CNTNAP2: variants seen among roughly 807,000 people sequenced by gnomAD.
CNTNAP2 encodes the protein contactin-associated protein-like 2.
CNTNAP2 carries 98 observed loss-of-function variants against 155.2 expected under a neutral mutation model. The ratio of observed to expected loss-of-function variants is 0.63; its 90% CI spans 0.54 to 0.75. The LOEUF (loss-of-function observed/expected upper bound fraction) is 0.75. Ranked by LOEUF, CNTNAP2 falls within the 30% of genes least tolerant of loss-of-function variation. The probability of loss-of-function intolerance (pLI) is 0.00; values close to 1 mark genes in which losing one functional copy is unlikely to be tolerated. For synonymous variants in CNTNAP2, 651 were observed against 631.2 expected (o/e 1.03, Z -0.47); for missense variants, 1,727 against 1,688.1 (o/e 1.02, Z -0.40).
intron 3 of CNTNAP2, among the ~76,000 whole-genome samples, chr7:146,875,504 A>C (rs1316267729): frequency 6.6e-6 from 1 of 152,116 alleles, no homozygotes; most frequent in African/African-American, 2.4e-5. Context: ...CAGTTTTAAA[A>C]CACGAAACTG....
chr7:146,600,271 T>C (rs919914874), intron 1 of CNTNAP2, among the ~76,000 whole-genome samples: 2 of 152,182 alleles, frequency 1.3e-5, no homozygotes, highest in Non-Finnish European at 2.9e-5. Context: ...ACAACTCACG[T>C]ACTGCAAATA....
At chr7:146,398,276 C>T (rs2535752) in intron 1 of CNTNAP2, among the ~76,000 whole-genome samples, 1 of 149,272 alleles carries the variant, frequency 6.7e-6, no homozygotes, top group African/African-American at 2.5e-5. Context: ...TTGACTCACA[C>T]TTCCACAGGG....
intron 3 of CNTNAP2, among the ~76,000 whole-genome samples, chr7:147,000,757 A>C (rs1180584540): frequency 6.6e-6 from 1 of 152,106 alleles, no homozygotes; most frequent in Non-Finnish European, 1.5e-5. Flanking sequence ...CTTGAAGCCC[A>C]TAGTTGCTGA....
In CNTNAP2 at chr7:146,706,292, G is replaced by A. The variant is rs17591852; in HGVS notation, c.98-67979G>A. The stretch of plus-strand genomic sequence containing the variant: ...TATTTGAGCAAACTGAACAGAAATG[G>A]GTCCCACCCTCAGCAACTTTATAGC... On this transcript the variant is annotated intron_variant, in intron 1 of 23. Coordinates refer to ENST00000361727, the MANE Select transcript of CNTNAP2 (RefSeq NM_014141.6). 5.4e-3 allele frequency among the ~76,000 whole-genome samples: 819 copies of A among 152,154 alleles called. 8 individuals are homozygous for A. The highest frequency in any genetic ancestry group is 0.017 in the Middle Eastern group (5 of 294).
chr7:146,636,716 T>C (rs922046515), intron 1 of CNTNAP2, among the ~76,000 whole-genome samples: 2 of 152,194 alleles, frequency 1.3e-5, no homozygotes, highest in African/African-American at 4.8e-5. Context: ...CAAATCGTCT[T>C]AATACACACA....
chr7:146,267,491 AC>A (rs1800014778), intron 1 of CNTNAP2, among the ~76,000 whole-genome samples: 1 of 152,194 alleles, frequency 6.6e-6, no homozygotes, highest in South Asian at 2.1e-4. Flanking sequence ...TGTGTCCCCA[AC>A]ATTTATATCT....
intron 1 of CNTNAP2, among the ~76,000 whole-genome samples, chr7:146,765,466 T>C (rs1802178280): frequency 6.6e-6 from 1 of 152,202 alleles, no homozygotes; most frequent in Non-Finnish European, 1.5e-5. Flanking sequence ...AGGAAGCACT[T>C]TGCCTTGCTT....
At chr7:146,117,469 G>C (rs1797502476) in intron 1 of CNTNAP2, among the ~76,000 whole-genome samples, 1 of 152,118 alleles carries the variant, frequency 6.6e-6, no homozygotes, top group South Asian at 2.1e-4. Flanking sequence ...CCCTTAAAAA[G>C]TTAATGCCCA....
intron 13 of CNTNAP2, among the ~76,000 whole-genome samples, chr7:147,686,142 G>A (rs1000844613): frequency 6.6e-6 from 1 of 152,090 alleles, no homozygotes; most frequent in Non-Finnish European, 1.5e-5. Context: ...ATTTTAGGAA[G>A]AGATGAGAGT....
At chr7:146,405,347 G>A (rs956375746) in intron 1 of CNTNAP2, among the ~76,000 whole-genome samples, 1 of 152,264 alleles carries the variant, frequency 6.6e-6, no homozygotes, top group South Asian at 2.1e-4. Flanking sequence ...AGTTCCATAA[G>A]GGCTAGAATC....
chr7:146,532,051 A>G (rs1797778400), intron 1 of CNTNAP2, among the ~76,000 whole-genome samples: 1 of 152,138 alleles, frequency 6.6e-6, no homozygotes, highest in South Asian at 2.1e-4. Context: ...TTGGCGATAA[A>G]GAGCTGGAAC....
chr7:146,443,563 AT>A (rs1318654283), intron 1 of CNTNAP2, among the ~76,000 whole-genome samples: 1 of 152,220 alleles, frequency 6.6e-6, no homozygotes, highest in Non-Finnish European at 1.5e-5. Context: ...GTGTTAAATA[AT>A]TTAATCCATC....
At chr7:148,318,396 G>C (rs781319208) in intron 21 of CNTNAP2, among the ~76,000 whole-genome samples, 3 of 152,172 alleles carry the variant, frequency 2.0e-5, no homozygotes, top group Non-Finnish European at 4.4e-5. Context: ...TCTGTGAAGC[G>C]TGTGTGATTT....
At chr7:146,934,911 A>G (rs1479665749) in intron 3 of CNTNAP2, among the ~76,000 whole-genome samples, 3 of 152,216 alleles carry the variant, frequency 2.0e-5, no homozygotes, top group Non-Finnish European at 4.4e-5. Context: ...TTTTATGATC[A>G]CTGTCTTTCT....
chr7:146,716,266 A>C (rs1004693779), intron 1 of CNTNAP2, among the ~76,000 whole-genome samples: 1 of 151,756 alleles, frequency 6.6e-6, no homozygotes, highest in Non-Finnish European at 1.5e-5. Flanking sequence ...TGCTGTAAGC[A>C]GGACAAATTC....
chr7:148,328,487 GTAGA>G (rs1354693766), intron 21 of CNTNAP2, among the ~76,000 whole-genome samples: 8 of 101,460 alleles, frequency 7.9e-5, no homozygotes, highest in African/African-American at 4.5e-5. Flanking sequence ...TTGTCTGTCT[GTAGA>G]TTCCATCTCT....
At chr7:148,002,194 A>G (rs1242724133) in intron 15 of CNTNAP2, among the ~76,000 whole-genome samples, 1 of 152,162 alleles carries the variant, frequency 6.6e-6, no homozygotes, top group African/African-American at 2.4e-5. Flanking sequence ...TGGTTTAACT[A>G]TGTTTTCTCC....
rs141219157 is a variant in CNTNAP2, at chr7:147,614,829, A to G, written c.1898-24277A>G. Among the ~76,000 whole-genome samples the G allele has an allele frequency of 3.5e-3, 530 of 151,880 alleles. 2 individuals are homozygous for G. Among genetic ancestry groups the G allele is most frequent in the African/African-American group, 0.012 (507 of 41,474 alleles). The stretch of plus-strand genomic sequence containing the variant: ...AATTTATTCCTATATAGCTCATTTT[A>G]TTGAAATTATTCTTTATTATTTCTG... On this transcript the variant is annotated intron_variant, in intron 12 of 23. Coordinates refer to ENST00000361727, the MANE Select transcript of CNTNAP2 (RefSeq NM_014141.6).
intron 21 of CNTNAP2, among the ~76,000 whole-genome samples, chr7:148,313,506 C>T (rs984530609): frequency 1.3e-5 from 2 of 152,092 alleles, no homozygotes; most frequent in Non-Finnish European, 2.9e-5. Context: ...AGATTTCCAG[C>T]ACTTGTAGCA....
Sources: gnomAD v4.1 joint callset for allele counts (sites outside exome capture counted in the v4.1 genomes callset) on GRCh38, gnomAD v4.1.1 for gene constraint, MANE v1.5 for transcripts, NCBI Gene and HGNC (gene_info 2026-07-23, HGNC 2026-07-21) for gene names.